The following TELO2 variants were observed in gnomAD, a reference collection of about 807,000 sequenced individuals.
The protein encoded by TELO2 is telomere maintenance 2.
Under a neutral mutation model 91.0 loss-of-function variants are expected in TELO2, and 71 were observed. That is an observed-to-expected ratio of 0.78 (90% CI 0.64 to 0.95). The LOEUF (loss-of-function observed/expected upper bound fraction) is 0.95. Ranked by LOEUF, TELO2 falls within the 40% of genes least tolerant of loss-of-function variation. The pLI is 0.00. For missense variants in TELO2, 1,183 were observed against 1,141.3 expected (o/e 1.04, Z -0.53); for synonymous variants, 584 against 518.9 (o/e 1.13, Z -1.71).
rs2039959475 is a variant in TELO2, at chr16:1,507,812, GT to G, written c.2407+97del. On this transcript the variant is annotated intron_variant, in intron 20 of 20. Transcript: ENST00000262319. ...TGTGTGAGAGATGTGTCGGCCCGGG[GT>G]GTGTGTGTGTGTGTGTGTGATGTGT... The G allele has an allele frequency of 6.4e-4, 225 of 353,272 alleles. 5 individuals are homozygous for G. In the African/African-American group the frequency reaches 7.2e-3, roughly 11 times the overall value. 21.9% of individuals were successfully genotyped at this position (353,272 alleles called of 1,614,324 possible).
rs2039856165 is a variant in TELO2, at chr16:1,505,467, C to G, written c.1900C>G (p.Gln634Glu). 2 of 1,613,030 alleles carry G rather than the reference C, an allele frequency of 1.2e-6. No homozygotes were observed. The highest frequency in any genetic ancestry group is 3.3e-5 in the Admixed American group (2 of 60,008). ...GCCTGGGTGCCTCGGGAGGACTCCC[C>G]AACCTGGCTCCCCAAGTCCCAACAC... ...SRPGCLGRTP[Q>E]PGSPSPNTPC... Residue 634 changes from glutamine (Q) to glutamate (E), a missense_variant, in exon 16 of 21, where the codon CAA becomes GAA. Coordinates refer to ENST00000262319, the MANE Select transcript of TELO2 (RefSeq NM_016111.4). The surrounding 1 kb of genome is among the most constrained non-coding windows in gnomAD (Gnocchi z 4.3).
rs922343477 is a variant in TELO2 at position 1,510,043 on chromosome 16, C to T, written c.*107C>T. 3.3e-5 allele frequency: 31 copies of T among 949,406 alleles called. No homozygotes were observed. Among genetic ancestry groups the T allele is most frequent in the Middle Eastern group, 3.1e-4 (1 of 3,192 alleles). 58.8% of individuals were successfully genotyped at this position (949,406 alleles called of 1,614,324 possible). ...TTTGTAGCGAGGCCAGGTCTTCGGC[C>T]GCATCCGGTACGGAGAGTGCAGATG... On this transcript the variant is annotated 3_prime_UTR_variant, in exon 21 of 21. Transcript: ENST00000262319.
chr16:1,509,173 G>C (rs1402130488), intron 20 of TELO2, among the ~76,000 whole-genome samples: 2 of 152,214 alleles, frequency 1.3e-5, no homozygotes, highest in Non-Finnish European at 2.9e-5. Context: ...TGAAGCACCA[G>C]GAGGAGCAGG....
intron 6 of TELO2, 79 bp from the exon 7 acceptor site, chr16:1,500,017 A>G (rs1160720422): frequency 3.3e-6 from 5 of 1,500,884 alleles, no homozygotes; most frequent in Non-Finnish European, 2.7e-6. Context: ...CAGTCCTGGC[A>G]TGGCTCTTGG....
Position 1,509,919 on chromosome 16 carries a change from C to T in TELO2, c.2497C>T (p.Pro833Ser), listed in dbSNP as rs1283183918. The T allele has an allele frequency of 6.2e-7, 1 of 1,600,904 alleles. No homozygotes were observed. The highest frequency in any genetic ancestry group is 1.3e-5 in the African/African-American group (1 of 74,676). ...LLQRLKNRLL[P>S]PASP is the part of the protein sequence containing the mutation. ...GCAGAGACTCAAGAACAGGCTCCTC[C>T]CACCCGCGTCTCCCTAGTCCCTGGA... The change falls in exon 21 of 21, where the codon CCA becomes TCA. Residue 833 changes from proline to serine, a missense_variant. Pro to Ser is a moderately conservative substitution (Grantham distance 74, BLOSUM62 -1). Coordinates refer to ENST00000262319, the MANE Select transcript of TELO2 (RefSeq NM_016111.4).
At chr16:1,499,611 G>T (rs1292313832) in intron 6 of TELO2, among the ~76,000 whole-genome samples, 1 of 150,926 alleles carries the variant, frequency 6.6e-6, no homozygotes, top group Non-Finnish European at 1.5e-5. Context: ...AGGGGGTGGG[G>T]TGGGGTGGGT....
chr16:1,501,045 G>A (rs947318201), intron 9 of TELO2, among the ~76,000 whole-genome samples: 13 of 152,236 alleles, frequency 8.5e-5, no homozygotes, highest in Non-Finnish European at 1.3e-4. Context: ...GTCGGTGGCC[G>A]TGGGTGTCAG....
rs925574334 is a variant in TELO2 at position 1,510,154 on chromosome 16, C to A, written c.*218C>A. 2.7e-5 allele frequency: 15 copies of A among 552,612 alleles called. No individual in the cohort carries two copies. Among genetic ancestry groups the A allele is most frequent in the South Asian group, 2.4e-4 (12 of 49,410 alleles). 34.2% of individuals were successfully genotyped at this position (552,612 alleles called of 1,614,324 possible). A position where few individuals can be genotyped will look rare whatever the true frequency, so the allele number is the denominator to read the frequency against. On this transcript the variant is annotated 3_prime_UTR_variant, in exon 21 of 21. Transcript: ENST00000262319. ...CTGGGCACTGCCCGCCGGGACATGG[C>A]AGCCTGGACGTGGGGCTGGGGCTGT...
At chr16:1,499,985 T>C in intron 6 of TELO2, 111 bp from the exon 7 acceptor site, 1 of 1,276,788 alleles carries the variant, frequency 7.8e-7, no homozygotes, top group Non-Finnish European at 1.1e-6. Context: ...TGCTTGTCCG[T>C]CTGCTGCCCT....
At chr16:1,503,259 T>C (rs1311467221) in intron 15 of TELO2, among the ~76,000 whole-genome samples, 1 of 152,172 alleles carries the variant, frequency 6.6e-6, no homozygotes, top group African/African-American at 2.4e-5. Flanking sequence ...TAGGGTAAAA[T>C]GTGTGCTGCG....
intron 13 of TELO2, 80 bp from the exon 14 acceptor site, chr16:1,502,565 C>A: frequency 6.4e-7 from 1 of 1,551,062 alleles, no homozygotes; most frequent in Non-Finnish European, 8.7e-7. Flanking sequence ...GGGTGGGTGG[C>A]TCCGGCCCTG....
In TELO2 at chr16:1,497,231, G is replaced by A; in HGVS notation, c.682+127G>A. On this transcript the variant is annotated intron_variant, in intron 4 of 20. Coordinates refer to ENST00000262319, the MANE Select transcript of TELO2 (RefSeq NM_016111.4). This position sits in a 1 kb window ranked among gnomAD's most constrained non-coding sequence, Gnocchi z 4.0. The stretch of plus-strand genomic sequence containing the variant: ...GGGTCCCCTTGCCCGGTCCTGTCCT[G>A]GGCCCGTGGGATCTGGGGCTCAGCT... 1 of 1,499,324 alleles carries A rather than the reference G, an allele frequency of 6.7e-7. No individual in the cohort carries two copies. Among genetic ancestry groups the A allele is most frequent in the Middle Eastern group, 2.3e-4 (1 of 4,284 alleles). The allele number at this position is 1,499,324 out of a possible 1,614,324, so 92.9% of individuals were successfully genotyped here. A position where few individuals can be genotyped will look rare whatever the true frequency, so the allele number is the denominator to read the frequency against.
intron 15 of TELO2, among the ~76,000 whole-genome samples, chr16:1,504,642 C>T (rs979015375): frequency 6.9e-6 from 1 of 144,034 alleles, no homozygotes; most frequent in African/African-American, 2.6e-5. Flanking sequence ...ACTGCAAGCT[C>T]CCCCTCCCGG....
At position 1,494,341 on chromosome 16, in the gene TELO2, G is replaced by A. The variant is rs140140646; in HGVS notation, c.60G>A (p.Ser20=). 3.6e-4 allele frequency: 576 copies of A among 1,613,646 alleles called. No individual in the cohort carries two copies. Among genetic ancestry groups the A allele is most frequent in the Non-Finnish European group, 4.6e-4 (544 of 1,180,014 alleles). ...LAVREAIHAL[S]SSEDGGHIFC... is the part of the protein sequence containing the mutation. ...TCCGGGAAGCCATTCATGCCCTCTC[G>A]TCTTCGGAGGATGGCGGCCACATCT... The change falls in exon 2 of 21, where the codon TCG becomes TCA. Residue 20 remains serine (S), a synonymous_variant. Coordinates refer to ENST00000262319, the MANE Select transcript of TELO2 (RefSeq NM_016111.4). The surrounding 1 kb of genome is among the most constrained non-coding windows in gnomAD (Gnocchi z 5.6).
intron 6 of TELO2, 69 bp from the exon 7 acceptor site, chr16:1,500,027 G>C: frequency 7.8e-6 from 12 of 1,540,320 alleles, no homozygotes; most frequent in Non-Finnish European, 1.1e-5. Context: ...ATGGCTCTTG[G>C]CCTTGGGAGC....
In TELO2 at chr16:1,497,226, G is replaced by A; in HGVS notation, c.682+122G>A. 4.0e-6 allele frequency: 6 copies of A among 1,506,234 alleles called. No individual in the cohort carries two copies. Among genetic ancestry groups the A allele is most frequent in the Non-Finnish European group, 5.4e-6 (6 of 1,118,770 alleles). 93.3% of individuals were successfully genotyped at this position (1,506,234 alleles called of 1,614,324 possible). A position where few individuals can be genotyped will look rare whatever the true frequency, so the allele number is the denominator to read the frequency against. On this transcript the variant is annotated intron_variant, in intron 4 of 20. Transcript: ENST00000262319. The surrounding 1 kb of genome is among the most constrained non-coding windows in gnomAD (Gnocchi z 4.0). ...CTGCAGGGTCCCCTTGCCCGGTCCT[G>A]TCCTGGGCCCGTGGGATCTGGGGCT...
At chr16:1,499,944 C>T (rs1451070523) in intron 6 of TELO2, 152 bp from the exon 7 acceptor site, 1 of 865,922 alleles carries the variant, frequency 1.2e-6, no homozygotes, top group Non-Finnish European at 1.7e-6. Context: ...GGGGAGGGGT[C>T]CCGCATTCCA....
At position 1,502,340 on chromosome 16, in the gene TELO2, G is replaced by T. The variant is rs756795932; in HGVS notation, c.1589G>T (p.Arg530Leu). ...CTGACCACGTCTGAGGACATAGAGC[G>T]CTGGGAGGCAGCCCTGCGGGCCCTT... ...EALTTSEDIERWEAALRALEG... is the reference protein window; with the variant it reads ...EALTTSEDIELWEAALRALEG... The change falls in exon 13 of 21, where the codon CGC becomes CTC. Residue 530 changes from arginine (R) to leucine (L), a missense_variant. Transcript: ENST00000262319. 2.0e-5 allele frequency: 32 copies of T among 1,607,024 alleles called. No homozygotes were observed. Among genetic ancestry groups the T allele is most frequent in the Non-Finnish European group, 2.7e-5 (32 of 1,178,304 alleles).
At chr16:1,506,873 G>T (rs1463269461) in intron 17 of TELO2, 79 bp from the exon 18 acceptor site, 12 of 1,479,430 alleles carry the variant, frequency 8.1e-6, no homozygotes, top group Non-Finnish European at 1.1e-5. Context: ...GGCTCCCTCG[G>T]TCTCCCACGG....
Sources: gnomAD v4.1 joint callset for allele counts (sites outside exome capture counted in the v4.1 genomes callset) on GRCh38, gnomAD v4.1.1 for gene constraint, Gnocchi (gnomAD v3.1) non-coding constraint, MANE v1.5 for transcripts, NCBI Gene and HGNC (gene_info 2026-07-23, HGNC 2026-07-21) for gene names.